PRIM2: variants seen among roughly 807,000 people sequenced by gnomAD.
PRIM2 encodes the protein DNA primase subunit 2.
In PRIM2, 39 loss-of-function variants were observed where a neutral mutation model predicts 67.3. The ratio of observed to expected loss-of-function variants is 0.58; its 90% CI spans 0.45 to 0.76. The LOEUF (loss-of-function observed/expected upper bound fraction) is 0.76, where lower values mean the gene tolerates loss of function less well. Ranked by LOEUF, PRIM2 falls within the 30% of genes least tolerant of loss-of-function variation. PRIM2 has a pLI of 0.00. For synonymous variants in PRIM2, 143 were observed against 198.7 expected (o/e 0.72, Z 2.36); for missense variants, 398 against 598.7 (o/e 0.66, Z 3.50).
intron 10 of PRIM2, among the ~76,000 whole-genome samples, chr6:57,587,449 G>C (rs1442131339): frequency 2.6e-5 from 4 of 152,060 alleles, no homozygotes; most frequent in African/African-American, 9.7e-5. Context: ...CTGATCACAA[G>C]GTCAGGAGAT....
chr6:57,468,343 T>C (rs1773254331), intron 7 of PRIM2, among the ~76,000 whole-genome samples: 1 of 152,160 alleles, frequency 6.6e-6, no homozygotes, highest in Non-Finnish European at 1.5e-5. Context: ...TATGAAGAAG[T>C]GTTGAATGTT....
intron 7 of PRIM2, among the ~76,000 whole-genome samples, chr6:57,433,577 C>T (rs1351151714): frequency 1.3e-5 from 2 of 152,116 alleles, no homozygotes; most frequent in Non-Finnish European, 2.9e-5. Flanking sequence ...GAGTATGAAG[C>T]AGAAGTTACT....
intron 7 of PRIM2, among the ~76,000 whole-genome samples, chr6:57,468,858 A>G (rs1164561545): frequency 6.6e-6 from 1 of 152,192 alleles, no homozygotes; most frequent in East Asian, 1.9e-4. Context: ...TTCTTCATGT[A>G]TGTTCAGGGC....
chr6:57,344,581 C>T (rs1431726347), intron 5 of PRIM2, among the ~76,000 whole-genome samples: 2 of 152,104 alleles, frequency 1.3e-5, no homozygotes, highest in Non-Finnish European at 2.9e-5. Flanking sequence ...AAGTATAATA[C>T]TTTTGTTCTC....
Position 57,398,297 on chromosome 6 carries a change from A to G in PRIM2, c.693+16129A>G, listed in dbSNP as rs1770592780. Among the ~76,000 whole-genome samples the G allele has an allele frequency of 2.0e-5, 3 of 151,974 alleles. No homozygotes were observed. In the South Asian group the frequency reaches 6.2e-4, roughly 32 times the overall value. On this transcript the variant is annotated intron_variant, in intron 7 of 13. Transcript: ENST00000615550. ...TTTATGTGGCTATTTAGTGCTATGA[A>G]TTTCCCTCTTAACACTGCCTTAGCT... is the stretch of plus-strand genomic sequence containing the variant.
At chr6:57,357,803 T>C (rs961637526) in intron 5 of PRIM2, among the ~76,000 whole-genome samples, 1 of 151,980 alleles carries the variant, frequency 6.6e-6, no homozygotes. Context: ...ACCATGTTGG[T>C]GAAGCTGGTA....
chr6:57,359,727 A>G (rs3919518), intron 5 of PRIM2, among the ~76,000 whole-genome samples: 1 of 152,236 alleles, frequency 6.6e-6, no homozygotes, highest in Non-Finnish European at 1.5e-5. Flanking sequence ...AATGAAAGAT[A>G]CTATTAACAA....
At chr6:57,555,467 A>G (rs1414728827) in intron 10 of PRIM2, among the ~76,000 whole-genome samples, 4 of 152,126 alleles carry the variant, frequency 2.6e-5, no homozygotes, top group Non-Finnish European at 5.9e-5. Context: ...TTTAGTAGAG[A>G]CAGAGTTTTA....
chr6:57,607,926 A>T (rs1218935447), intron 12 of PRIM2, among the ~76,000 whole-genome samples: 1 of 151,986 alleles, frequency 6.6e-6, no homozygotes, highest in Non-Finnish European at 1.5e-5. Flanking sequence ...GAGTCCTAGG[A>T]TGTGACATGC....
At chr6:57,521,095 A>C (rs1463119186) in intron 8 of PRIM2, among the ~76,000 whole-genome samples, 3 of 152,180 alleles carry the variant, frequency 2.0e-5, no homozygotes, top group Non-Finnish European at 4.4e-5. Context: ...AATTTTATTG[A>C]TTGTGTTCTC....
At chr6:57,257,162 A>G in the PRIM2 span, among the ~76,000 whole-genome samples, 1 of 152,196 alleles carries the variant, frequency 6.6e-6, no homozygotes, top group Admixed American at 6.5e-5. Flanking sequence ...TTGAAGAGAA[A>G]GTTGAAGCAG....
intron 10 of PRIM2, among the ~76,000 whole-genome samples, chr6:57,588,219 A>G (rs1436432401): frequency 1.5e-3 from 228 of 152,090 alleles, no homozygotes; most frequent in Non-Finnish European, 2.6e-3. Context: ...CTTTCCACAC[A>G]AGTTTACTGG....
chr6:57,527,867 A>C (rs1407659956), intron 8 of PRIM2, among the ~76,000 whole-genome samples: 2 of 152,136 alleles, frequency 1.3e-5, no homozygotes, highest in Non-Finnish European at 2.9e-5. Flanking sequence ...TAACATCCTC[A>C]TTTCTATCAT....
rs59599812 is a variant in PRIM2, at chr6:57,330,361, GT to G, written c.459+4321del. 6.1e-4 allele frequency among the ~76,000 whole-genome samples: 67 copies of G among 110,382 alleles called. 1 individual carries two copies. The highest frequency in any genetic ancestry group is 2.4e-3 in the African/African-American group (66 of 27,650). The allele number at this position is 110,382 out of a possible 152,430, so 72.4% of individuals were successfully genotyped here. On this transcript the variant is annotated intron_variant, in intron 5 of 13. Transcript: ENST00000615550. The stretch of plus-strand genomic sequence containing the variant: ...CTTGCTGAACTTGTTTTTTTTTTTT[GT>G]TTTTGTTTTTTTGTTTTTTTGTTTT...
At chr6:57,422,677 A>G (rs1581890618) in intron 7 of PRIM2, among the ~76,000 whole-genome samples, 2 of 152,076 alleles carry the variant, frequency 1.3e-5, no homozygotes, top group East Asian at 3.9e-4. Context: ...CAGTGGCAAT[A>G]ATACTGTTTA....
At chr6:57,578,220 G>C (rs1775998087) in intron 10 of PRIM2, among the ~76,000 whole-genome samples, 1 of 152,130 alleles carries the variant, frequency 6.6e-6, no homozygotes, top group African/African-American at 2.4e-5. Flanking sequence ...ATAACTTATT[G>C]CTGGTGATAT....
At chr6:57,477,360 AC>A (rs1773500181) in intron 7 of PRIM2, among the ~76,000 whole-genome samples, 1 of 152,246 alleles carries the variant, frequency 6.6e-6, no homozygotes, top group East Asian at 1.9e-4. Context: ...TACAAATACT[AC>A]TTAATAGTTA....
At chr6:57,329,710 C>A (rs1767990493) in intron 5 of PRIM2, among the ~76,000 whole-genome samples, 1 of 152,140 alleles carries the variant, frequency 6.6e-6, no homozygotes, top group Non-Finnish European at 1.5e-5. Context: ...GAGGCCTCCC[C>A]AGACACGCAG....
At chr6:57,440,582 A>G (rs1410763589) in intron 7 of PRIM2, among the ~76,000 whole-genome samples, 1 of 152,232 alleles carries the variant, frequency 6.6e-6, no homozygotes, top group Non-Finnish European at 1.5e-5. Flanking sequence ...GCATATACAT[A>G]TATTCCTCTG....
Sources: gnomAD v4.1 joint callset for allele counts (sites outside exome capture counted in the v4.1 genomes callset) on GRCh38, gnomAD v4.1.1 for gene constraint, MANE v1.5 for transcripts, NCBI Gene and HGNC (gene_info 2026-07-23, HGNC 2026-07-21) for gene names.